Variants in ALK observed in about 807,000 individuals in gnomAD.
ALK encodes the protein ALK receptor tyrosine kinase.
ALK carries 74 observed loss-of-function variants against 163.1 expected under a neutral mutation model. That is an observed-to-expected ratio of 0.45 (90% CI 0.38 to 0.55). The LOEUF (loss-of-function observed/expected upper bound fraction) is 0.55. Among genes scored for constraint, ALK ranks in the 20% least tolerant of loss-of-function variants. The pLI is 0.00. For synonymous variants in ALK, 960 were observed against 843.2 expected (o/e 1.14, Z -2.40); for missense variants, 2,063 against 2,105.3 (o/e 0.98, Z 0.39).
intron 1 of ALK, among the ~76,000 whole-genome samples, chr2:29,806,947 G>A (rs1456623339): frequency 6.6e-6 from 1 of 152,216 alleles, no homozygotes; most frequent in Non-Finnish European, 1.5e-5. Flanking sequence ...ATAGATGTGT[G>A]CGCACATGTG....
intron 3 of ALK, among the ~76,000 whole-genome samples, chr2:29,691,698 C>T (rs1010281819): frequency 3.3e-5 from 5 of 152,104 alleles, no homozygotes; most frequent in Non-Finnish European, 5.9e-5. Flanking sequence ...TCCTCTCCCC[C>T]CCTTCTTTTT....
chr2:29,694,194 C>T lies in ALK; in HGVS notation c.952+656G>A, dbSNP rs369905677. Among the ~76,000 whole-genome samples the T allele has an allele frequency of 4.6e-5, 7 of 152,280 alleles. No individual in the cohort carries two copies. The East Asian group carries it at 1.2e-3, about 25-fold the overall frequency. On this transcript the variant is annotated intron_variant, in intron 3 of 28. Transcript: ENST00000389048. ...ACAATTTAACAATTTAACAGTTGCC[C>T]ACTACTTTCCTCTGAGCCTACCTTT...
intron 1 of ALK, among the ~76,000 whole-genome samples, chr2:29,720,029 T>C (rs1001475837): frequency 2.0e-5 from 3 of 152,140 alleles, no homozygotes; most frequent in Non-Finnish European, 2.9e-5. Flanking sequence ...TATACTTTCC[T>C]GTTTCTAAGT....
At chr2:29,747,220 T>C (rs1405048814) in intron 1 of ALK, among the ~76,000 whole-genome samples, 2 of 152,188 alleles carry the variant, frequency 1.3e-5, no homozygotes, top group South Asian at 4.1e-4. Flanking sequence ...GCCCATTTCT[T>C]CTCCTCTAAT....
intron 4 of ALK, among the ~76,000 whole-genome samples, chr2:29,403,493 A>C (rs756303968): frequency 6.6e-6 from 1 of 152,088 alleles, no homozygotes; most frequent in Non-Finnish European, 1.5e-5. Context: ...TGGAATTACC[A>C]TATTCTCCTC....
At chr2:29,843,718 C>CA (rs1665760641) in intron 1 of ALK, among the ~76,000 whole-genome samples, 1 of 151,996 alleles carries the variant, frequency 6.6e-6, no homozygotes, top group African/African-American at 2.4e-5. Context: ...TGGATGCAAG[C>CA]AAAAAATTGT....
chr2:29,827,234 G>A (rs1011354476), intron 1 of ALK, among the ~76,000 whole-genome samples: 2 of 152,204 alleles, frequency 1.3e-5, no homozygotes, highest in Admixed American at 6.5e-5. Flanking sequence ...AGCTGGAAGT[G>A]AAGGCCTTTA....
chr2:29,887,631 G>A (rs778219613), intron 1 of ALK, among the ~76,000 whole-genome samples: 1 of 152,144 alleles, frequency 6.6e-6, no homozygotes, highest in Non-Finnish European at 1.5e-5. Flanking sequence ...GCAGATTCTG[G>A]TTGGGTAGGC....
intron 1 of ALK, among the ~76,000 whole-genome samples, chr2:29,870,157 G>A (rs1185941799): frequency 6.6e-6 from 1 of 152,106 alleles, no homozygotes; most frequent in Non-Finnish European, 1.5e-5. Context: ...ACAATTTAGG[G>A]TAAATTATCC....
rs570733823 is a variant in ALK at position 29,501,927 on chromosome 2, T to C, written c.1154+29988A>G. Reference sequence around the variant, plus strand: ...ATGGTGCCTCACATGAGTGGAATTGTATAGTATTTGTCTTTATGTGTCTGG... The same window carrying C: ...ATGGTGCCTCACATGAGTGGAATTGCATAGTATTTGTCTTTATGTGTCTGG... On this transcript the variant is annotated intron_variant, in intron 4 of 28. Transcript: ENST00000389048. Among the ~76,000 whole-genome samples the C allele has an allele frequency of 7.2e-5, 11 of 152,362 alleles. No homozygotes were observed. The South Asian group carries it at 2.1e-3, about 29-fold the overall frequency.
intron 3 of ALK, among the ~76,000 whole-genome samples, chr2:29,684,377 A>T (rs148743077): frequency 6.6e-6 from 1 of 152,346 alleles, no homozygotes; most frequent in East Asian, 1.9e-4. Context: ...AGCCAACGCC[A>T]ACCCAGCACT....
At chr2:29,642,444 T>C (rs1676730446) in intron 3 of ALK, among the ~76,000 whole-genome samples, 1 of 152,054 alleles carries the variant, frequency 6.6e-6, no homozygotes, top group South Asian at 2.1e-4. Flanking sequence ...GTAAATCAAG[T>C]CCTGAATTGT....
chr2:29,284,322 G>T (rs540864589), intron 9 of ALK, among the ~76,000 whole-genome samples: 1 of 152,228 alleles, frequency 6.6e-6, no homozygotes, highest in East Asian at 1.9e-4. Context: ...CTGGCGCGGG[G>T]GTGGGGGCAG....
intron 1 of ALK, among the ~76,000 whole-genome samples, chr2:29,829,620 G>T (rs1208948504): frequency 6.6e-6 from 1 of 152,210 alleles, no homozygotes; most frequent in Non-Finnish European, 1.5e-5. Flanking sequence ...TATGAATGAG[G>T]TGGGTCCACT....
intron 1 of ALK, among the ~76,000 whole-genome samples, chr2:29,738,608 T>C (rs903764997): frequency 6.6e-6 from 1 of 151,990 alleles, no homozygotes; most frequent in African/African-American, 2.4e-5. Context: ...ATGTGGACCT[T>C]AGGGTTTTTC....
At chr2:29,243,222 C>G (rs534748007) in intron 12 of ALK, among the ~76,000 whole-genome samples, 2 of 152,186 alleles carry the variant, frequency 1.3e-5, no homozygotes, top group Non-Finnish European at 2.9e-5. Flanking sequence ...ACCTTGCACT[C>G]GACTGACCCC....
At chr2:29,697,348 G>GA (rs1678597682) in intron 2 of ALK, among the ~76,000 whole-genome samples, 1 of 152,188 alleles carries the variant, frequency 6.6e-6, no homozygotes, top group African/African-American at 2.4e-5. Flanking sequence ...AGGAGAGAGA[G>GA]AAAAGAGAGG....
intron 1 of ALK, among the ~76,000 whole-genome samples, chr2:29,734,065 T>C (rs1383478809): frequency 2.6e-5 from 4 of 152,062 alleles, no homozygotes; most frequent in Non-Finnish European, 4.4e-5. Context: ...AACTGAGGCA[T>C]GGAAAAACAA....
chr2:29,601,719 G>A (rs1458139862), intron 3 of ALK, among the ~76,000 whole-genome samples: 2 of 152,150 alleles, frequency 1.3e-5, no homozygotes, highest in Non-Finnish European at 2.9e-5. Context: ...TGGGTACAGC[G>A]TGTATCCAGA....
Sources: gnomAD v4.1 joint callset for allele counts (sites outside exome capture counted in the v4.1 genomes callset) on GRCh38, gnomAD v4.1.1 for gene constraint, MANE v1.5 for transcripts, NCBI Gene and HGNC (gene_info 2026-07-23, HGNC 2026-07-21) for gene names.